The following LAMA2 variants were observed in gnomAD, a reference collection of about 807,000 sequenced individuals.
The protein encoded by LAMA2 is laminin subunit alpha 2.
Under a neutral mutation model 364.8 loss-of-function variants are expected in LAMA2, and 269 were observed. The ratio of observed to expected loss-of-function variants is 0.74; its 90% CI spans 0.67 to 0.82. The LOEUF (loss-of-function observed/expected upper bound fraction) is 0.82, where lower values mean the gene tolerates loss of function less well. Ranked by LOEUF, LAMA2 falls within the 40% of genes least tolerant of loss-of-function variation. The pLI, the probability that LAMA2 is intolerant of heterozygous loss-of-function variation, is 0.00. For synonymous variants in LAMA2, 1,379 were observed against 1,370.6 expected, an observed-to-expected ratio of 1.01 and a Z score of -0.14; for missense variants, 3,807 against 3,873.2, an observed-to-expected ratio of 0.98 and a Z score of 0.45.
At chr6:129,515,986 A>ACAGAG (rs1193738601) in intron 64 of LAMA2, among the ~76,000 whole-genome samples, 2 of 152,048 alleles carry the variant, frequency 1.3e-5, no homozygotes, top group Admixed American at 1.3e-4. Context: ...AGCCTGGGCA[A>ACAGAG]CAGAGCAAGA....
At chr6:129,438,595 C>A in intron 41 of LAMA2, 51 bp from the exon 42 acceptor site, 1 of 902,648 alleles carries the variant, frequency 1.1e-6, no homozygotes, top group Non-Finnish European at 1.9e-6. Flanking sequence ...CAAGTATAAG[C>A]TCAGGGATGA....
chr6:128,933,230 C>G (rs938663083), intron 1 of LAMA2, among the ~76,000 whole-genome samples: 2 of 146,286 alleles, frequency 1.4e-5, no homozygotes, highest in East Asian at 4.0e-4. Flanking sequence ...CCCTCTCTTT[C>G]TGTGTGTGTG....
At chr6:128,939,219 A>G (rs1780014459) in intron 1 of LAMA2, among the ~76,000 whole-genome samples, 1 of 152,130 alleles carries the variant, frequency 6.6e-6, no homozygotes, top group Admixed American at 6.6e-5. Flanking sequence ...TTTCATGAAA[A>G]AGGATACTCT....
chr6:129,509,871 C>A (rs2114920661), intron 62 of LAMA2, among the ~76,000 whole-genome samples: 1 of 152,154 alleles, frequency 6.6e-6, no homozygotes, highest in East Asian at 1.9e-4. Flanking sequence ...TTTTCTATTT[C>A]TGTGAAGAAT....
At chr6:129,361,624 G>A (rs1777465683) in intron 32 of LAMA2, among the ~76,000 whole-genome samples, 1 of 152,118 alleles carries the variant, frequency 6.6e-6, no homozygotes. Context: ...AAGGCAGCAG[G>A]GGTCCAAGAG....
intron 1 of LAMA2, among the ~76,000 whole-genome samples, chr6:128,940,725 G>A (rs1464435932): frequency 6.6e-6 from 1 of 152,184 alleles, no homozygotes; most frequent in Non-Finnish European, 1.5e-5. Context: ...ACCAGGGTGA[G>A]AGAATCGCTT....
intron 54 of LAMA2, 89 bp from the exon 55 acceptor site, chr6:129,481,174 T>A: frequency 1.0e-6 from 1 of 966,870 alleles, no homozygotes; most frequent in Non-Finnish European, 1.7e-6. Flanking sequence ...ATAATCACAT[T>A]AATTGCATCG....
intron 17 of LAMA2, among the ~76,000 whole-genome samples, chr6:129,279,212 C>G (rs113285141): frequency 5.7e-4 from 87 of 152,188 alleles, no homozygotes; most frequent in African/African-American, 2.0e-3. Context: ...CTTCAGAGAG[C>G]CAGTCGAGAA....
At chr6:129,151,926 G>A (rs1248061063) in intron 7 of LAMA2, among the ~76,000 whole-genome samples, 2 of 152,128 alleles carry the variant, frequency 1.3e-5, no homozygotes, top group African/African-American at 2.4e-5. Flanking sequence ...ATATAAAACT[G>A]CTTACAATGC....
intron 51 of LAMA2, 56 bp downstream of exon 51, chr6:129,465,345 A>G (rs1783489770): frequency 2.9e-6 from 4 of 1,391,796 alleles, no homozygotes; most frequent in Non-Finnish European, 4.1e-6. Flanking sequence ...TCCAAAGTGC[A>G]CATGTACCTG....
intron 17 of LAMA2, among the ~76,000 whole-genome samples, chr6:129,273,976 C>T (rs1788117127): frequency 6.6e-6 from 1 of 151,502 alleles, no homozygotes; most frequent in African/African-American, 2.4e-5. Context: ...AATAATTTTA[C>T]TTCTAGCAGT....
chr6:129,275,853 G>A (rs745599533), intron 17 of LAMA2, among the ~76,000 whole-genome samples: 3 of 151,658 alleles, frequency 2.0e-5, no homozygotes, highest in Non-Finnish European at 2.9e-5. Flanking sequence ...ATTCCATTTT[G>A]CAGAATGGGA....
chr6:129,161,878 A>G (rs923813828), intron 8 of LAMA2, among the ~76,000 whole-genome samples: 2 of 152,142 alleles, frequency 1.3e-5, no homozygotes, highest in African/African-American at 4.8e-5. Context: ...TATATGTACT[A>G]CATTTTCTTT....
intron 3 of LAMA2, among the ~76,000 whole-genome samples, chr6:129,068,906 A>G (rs1562209635): frequency 6.6e-6 from 1 of 152,150 alleles, no homozygotes; most frequent in Non-Finnish European, 1.5e-5. Flanking sequence ...AAGAAAGGGA[A>G]AAAAGGCCAT....
At chr6:129,077,136 C>T (rs150202395) in intron 3 of LAMA2, among the ~76,000 whole-genome samples, 121 of 152,124 alleles carry the variant, frequency 8.0e-4, no homozygotes, top group African/African-American at 2.9e-3. Flanking sequence ...ATGATATTCA[C>T]GTAATAATAT....
intron 3 of LAMA2, among the ~76,000 whole-genome samples, chr6:129,097,702 C>T (rs1449825257): frequency 1.3e-5 from 2 of 152,194 alleles, no homozygotes; most frequent in Non-Finnish European, 2.9e-5. Flanking sequence ...GTTGTTTTTG[C>T]TGTACCATAC....
intron 1 of LAMA2, among the ~76,000 whole-genome samples, chr6:128,955,408 C>A (rs1017975197): frequency 3.3e-5 from 5 of 151,890 alleles, no homozygotes; most frequent in African/African-American, 1.2e-4. Context: ...GCACTAAAAT[C>A]TGTTTATTTA....
intron 3 of LAMA2, among the ~76,000 whole-genome samples, chr6:129,064,887 A>C (rs1582973417): frequency 6.6e-6 from 1 of 152,216 alleles, no homozygotes; most frequent in Non-Finnish European, 1.5e-5. Context: ...ACTGAAGATG[A>C]GGGAGTACTT....
chr6:129,147,509 G>T (rs1488508985), intron 6 of LAMA2, among the ~76,000 whole-genome samples: 1 of 151,932 alleles, frequency 6.6e-6, no homozygotes, highest in Admixed American at 6.6e-5. Context: ...GGGTGGAGGG[G>T]GTGGAGTGGG....
Sources: gnomAD v4.1 joint callset for allele counts (sites outside exome capture counted in the v4.1 genomes callset) on GRCh38, gnomAD v4.1.1 for gene constraint, MANE v1.5 for transcripts, NCBI Gene and HGNC (gene_info 2026-07-23, HGNC 2026-07-21) for gene names.